ACSL3: variants seen among roughly 807,000 people sequenced by gnomAD.
ACSL3 encodes the protein acyl-CoA synthetase long chain family member 3, also known as fatty acid CoA ligase Acsl3.
ACSL3 carries 34 observed loss-of-function variants against 84.7 expected under a neutral mutation model. The ratio of observed to expected loss-of-function variants is 0.40; its 90% CI spans 0.31 to 0.53. ACSL3 has a LOEUF of 0.53. Among genes scored for constraint, ACSL3 ranks in the 20% least tolerant of loss-of-function variants. The pLI, the probability that ACSL3 is intolerant of heterozygous loss-of-function variation, is 0.48. For missense variants in ACSL3, 680 were observed against 873.1 expected, an observed-to-expected ratio of 0.78 and a Z score of 2.79; for synonymous variants, 315 against 299.4, an observed-to-expected ratio of 1.05 and a Z score of -0.54.
chr2:222,928,028 C>T (rs1228446941), intron 12 of ACSL3, among the ~76,000 whole-genome samples: 1 of 152,142 alleles, frequency 6.6e-6, no homozygotes, highest in Non-Finnish European at 1.5e-5. Context: ...TTAATTTCTT[C>T]TATTTTTAAG....
intron 1 of ACSL3, among the ~76,000 whole-genome samples, chr2:222,869,234 TGAGC>T (rs1695235100): frequency 1.3e-5 from 2 of 152,342 alleles, no homozygotes; most frequent in Non-Finnish European, 2.9e-5. Flanking sequence ...TAGGTAAATT[TGAGC>T]GAGTGACTTA....
chr2:222,919,379 G>T (rs1574555400), intron 7 of ACSL3, 177 bp downstream of exon 7: 2 of 494,254 alleles, frequency 4.0e-6, no homozygotes, highest in African/African-American at 2.0e-5. Context: ...AAGTTTTAAG[G>T]AAAAATATAA....
intron 4 of ACSL3, 83 bp from the exon 5 acceptor site, chr2:222,916,236 T>C (rs1696577741): frequency 4.4e-6 from 4 of 900,996 alleles, no homozygotes; most frequent in Non-Finnish European, 4.6e-6. Flanking sequence ...TTCTGGTTCA[T>C]CATAACATTT....
At chr2:222,927,232 GTT>G (rs767413963) in intron 12 of ACSL3, 43 bp downstream of exon 12, 1 of 1,590,974 alleles carries the variant, frequency 6.3e-7, no homozygotes, top group Non-Finnish European at 8.6e-7. Context: ...GATGCCAGAC[GTT>G]TTTTTGGGGT....
intron 5 of ACSL3, 117 bp from the exon 6 acceptor site, chr2:222,917,927 CTG>C: frequency 3.0e-6 from 2 of 662,076 alleles, no homozygotes; most frequent in Admixed American, 2.6e-5. Flanking sequence ...CACTTATAGA[CTG>C]TGGATTTAAC....
Position 222,912,033 on chromosome 2 carries a change from G to A in ACSL3, c.378+2883G>A, listed in dbSNP as rs76616221. On this transcript the variant is annotated intron_variant, in intron 4 of 16. Coordinates refer to ENST00000357430, the MANE Select transcript of ACSL3 (RefSeq NM_004457.5). ...CATTTGCTATGAAATTGGCATTTGT[G>A]GTTCATCAAACTTTGTTCAGAAGGC... Among the ~76,000 whole-genome samples, 529 of 152,306 alleles carry A rather than the reference G, an allele frequency of 3.5e-3. 3 individuals are homozygous for A. Among genetic ancestry groups the A allele is most frequent in the African/African-American group, 0.012 (513 of 41,552 alleles).
chr2:222,917,058 T>C (rs1260952944), intron 5 of ACSL3, among the ~76,000 whole-genome samples: 8 of 152,200 alleles, frequency 5.3e-5, no homozygotes, highest in Admixed American at 1.3e-4. Flanking sequence ...AAATACACTT[T>C]CACCAGATTT....
intron 1 of ACSL3, among the ~76,000 whole-genome samples, chr2:222,875,831 G>GT (rs771519562): frequency 9.9e-5 from 15 of 151,566 alleles, no homozygotes; most frequent in African/African-American, 1.5e-4. Context: ...TTATTGCTGG[G>GT]TTTTTTTTGA....
At chr2:222,882,761 GTTTT>G (rs71408540) in intron 1 of ACSL3, among the ~76,000 whole-genome samples, 5 of 119,970 alleles carry the variant, frequency 4.2e-5, no homozygotes, top group African/African-American at 6.3e-5. Flanking sequence ...CCAGATCACT[GTTTT>G]TTTTTTTTTT....
intron 1 of ACSL3, among the ~76,000 whole-genome samples, chr2:222,875,577 T>C (rs923368414): frequency 6.6e-6 from 1 of 152,352 alleles, no homozygotes; most frequent in Admixed American, 6.5e-5. Flanking sequence ...TGGTATTAAC[T>C]TTCATATGGC....
chr2:222,924,895 G>C (rs1039730593), intron 11 of ACSL3, among the ~76,000 whole-genome samples: 2 of 151,908 alleles, frequency 1.3e-5, no homozygotes, highest in African/African-American at 4.8e-5. Flanking sequence ...GCTTGGTGGC[G>C]GGCGCCTGTA....
At chr2:222,889,671 G>A (rs1027939636) in intron 2 of ACSL3, among the ~76,000 whole-genome samples, 16 of 152,226 alleles carry the variant, frequency 1.1e-4, no homozygotes, top group African/African-American at 3.4e-4. Flanking sequence ...GGAAGGAGAC[G>A]GAGACAGCAG....
intron 1 of ACSL3, among the ~76,000 whole-genome samples, chr2:222,885,790 T>G (rs2106098086): frequency 6.6e-6 from 1 of 152,238 alleles, no homozygotes; most frequent in Admixed American, 6.5e-5. Context: ...TCACCCAGGC[T>G]GGAGTGCAGT....
At chr2:222,864,782 G>C (rs1426703414) in intron 1 of ACSL3, among the ~76,000 whole-genome samples, 2 of 152,162 alleles carry the variant, frequency 1.3e-5, no homozygotes, top group African/African-American at 4.8e-5. Context: ...AAAAGGATGG[G>C]GTTGGGATGG....
intron 14 of ACSL3, among the ~76,000 whole-genome samples, chr2:222,932,060 C>T (rs1697044396): frequency 6.6e-6 from 1 of 151,996 alleles, no homozygotes; most frequent in Non-Finnish European, 1.5e-5. Flanking sequence ...ACCAACCATC[C>T]AACCCTCAGC....
At chr2:222,915,240 G>A (rs1696546492) in intron 4 of ACSL3, among the ~76,000 whole-genome samples, 1 of 151,078 alleles carries the variant, frequency 6.6e-6, no homozygotes, top group Non-Finnish European at 1.5e-5. Context: ...AAAGAGCAAG[G>A]TGAGAGTTTG....
Position 222,909,149 on chromosome 2 carries a change from A to G in ACSL3, c.377A>G (p.Lys126Arg), listed in dbSNP as rs757767540. ...EVQPNGKIFKKVILGQYNWLS... is the reference protein window; with the variant it reads ...EVQPNGKIFKRVILGQYNWLS... ...CAACCAAATGGAAAAATTTTTAAAAAGGTAAGATGATCTTTCATTGCCTTT... is the reference window on the plus strand; with the variant it reads ...CAACCAAATGGAAAAATTTTTAAAAGGGTAAGATGATCTTTCATTGCCTTT... The change falls in exon 4 of 17, where the codon AAG becomes AGG. Residue 126 changes from lysine (K) to arginine (R), a missense_variant and splice_region_variant. Transcript: ENST00000357430. The G allele has an allele frequency of 1.5e-4, 238 of 1,592,340 alleles. 2 individuals carry two copies. In the South Asian group the frequency reaches 2.7e-3, roughly 18 times the overall value.
At chr2:222,888,129 A>C (rs1324798130) in intron 2 of ACSL3, among the ~76,000 whole-genome samples, 2 of 152,202 alleles carry the variant, frequency 1.3e-5, no homozygotes, top group Admixed American at 6.5e-5. Flanking sequence ...AAGTATCTGC[A>C]AGGGATTTGA....
chr2:222,870,840 G>T (rs1370127862), intron 1 of ACSL3, among the ~76,000 whole-genome samples: 1 of 152,170 alleles, frequency 6.6e-6, no homozygotes, highest in Non-Finnish European at 1.5e-5. Flanking sequence ...GTTTGGAATT[G>T]TTTTTTATTC....
Sources: gnomAD v4.1 joint callset for allele counts (sites outside exome capture counted in the v4.1 genomes callset) on GRCh38, gnomAD v4.1.1 for gene constraint, MANE v1.5 for transcripts, NCBI Gene and HGNC (gene_info 2026-07-23, HGNC 2026-07-21) for gene names.